SORCS1: variants seen among roughly 807,000 people sequenced by gnomAD.
SORCS1 encodes VPS10 domain-containing receptor SorCS1.
Under a neutral mutation model 146.1 loss-of-function variants are expected in SORCS1, and 60 were observed. That is an observed-to-expected ratio of 0.41 (90% CI 0.33 to 0.51). The LOEUF (loss-of-function observed/expected upper bound fraction) is 0.51, where lower values mean the gene tolerates loss of function less well. Among genes scored for constraint, SORCS1 ranks in the 20% least tolerant of loss-of-function variants. SORCS1 has a pLI of 0.21. For synonymous variants in SORCS1, 637 were observed against 584.0 expected (o/e 1.09, Z -1.31); for missense variants, 1,352 against 1,487.6 (o/e 0.91, Z 1.50).
intron 18 of SORCS1, among the ~76,000 whole-genome samples, chr10:106,638,282 T>C (rs1848847046): frequency 6.6e-6 from 1 of 152,124 alleles, no homozygotes; most frequent in Admixed American, 6.5e-5. Context: ...AGAACAAAAC[T>C]ATATATACTT....
intron 2 of SORCS1, among the ~76,000 whole-genome samples, chr10:106,927,307 C>G (rs1223535621): frequency 6.6e-6 from 1 of 152,066 alleles, no homozygotes; most frequent in Non-Finnish European, 1.5e-5. Flanking sequence ...AGGAGTGAAG[C>G]TGCGGACCTT....
At chr10:107,044,814 T>TAAAA (rs71025575) in intron 1 of SORCS1, among the ~76,000 whole-genome samples, 7 of 90,192 alleles carry the variant, frequency 7.8e-5, no homozygotes, top group Non-Finnish European at 8.9e-5. Flanking sequence ...TGTGTCTCAA[T>TAAAA]AAAAAAAAAA....
At chr10:106,668,874 A>C (rs1210295711) in intron 16 of SORCS1, among the ~76,000 whole-genome samples, 1 of 152,140 alleles carries the variant, frequency 6.6e-6, no homozygotes, top group Non-Finnish European at 1.5e-5. Flanking sequence ...GGAGAGGGCC[A>C]AACCAAGGAG....
intron 10 of SORCS1, among the ~76,000 whole-genome samples, chr10:106,682,108 ACAGAGTGAGACTCCATCT>A (rs1415038928): frequency 1.3e-5 from 2 of 152,218 alleles, no homozygotes; most frequent in Non-Finnish European, 2.9e-5. Context: ...ACCCTGGGTG[ACAGAGTGAGACTCCATCT>A]CTAATACAAA....
intron 1 of SORCS1, among the ~76,000 whole-genome samples, chr10:107,096,964 A>G (rs1173359511): frequency 6.6e-6 from 1 of 152,184 alleles, no homozygotes. Context: ...TCCCAACACT[A>G]GTTTTCTCCA....
At chr10:106,654,522 T>C (rs11193000) in intron 17 of SORCS1, among the ~76,000 whole-genome samples, 10,862 of 152,294 alleles carry the variant, frequency 0.071, 463 homozygotes, top group East Asian at 0.21. Flanking sequence ...TGTGACTGTG[T>C]GAAATTCAAG....
chr10:106,793,173 G>A (rs1016966026), intron 3 of SORCS1, among the ~76,000 whole-genome samples: 1 of 152,152 alleles, frequency 6.6e-6, no homozygotes, highest in African/African-American at 2.4e-5. Flanking sequence ...ACACGGAAAA[G>A]CACTTTTTTT....
chr10:107,035,281 A>G (rs967499904), intron 1 of SORCS1, among the ~76,000 whole-genome samples: 17 of 148,832 alleles, frequency 1.1e-4, no homozygotes, highest in African/African-American at 4.3e-4. Context: ...AAAAACAACA[A>G]AAAAAAAAAC....
chr10:107,062,843 C>T (rs1961360064), intron 1 of SORCS1, among the ~76,000 whole-genome samples: 1 of 152,196 alleles, frequency 6.6e-6, no homozygotes. Flanking sequence ...TGTGAAGACA[C>T]AGGTGTTTTT....
rs559951257 is a variant in SORCS1 at position 106,937,215 on chromosome 10, G to A, written c.626+19298C>T. 3.6e-4 allele frequency among the ~76,000 whole-genome samples: 54 copies of A among 151,248 alleles called. 1 individual carries two copies. The highest frequency in any genetic ancestry group is 1.3e-3 in the African/African-American group (53 of 41,092). On this transcript the variant is annotated intron_variant, in intron 2 of 25. Coordinates refer to ENST00000263054, the MANE Select transcript of SORCS1 (RefSeq NM_052918.5). ...GATAGAGTCTTGCTCTGTTGCCCAGGCTGGAATTCAGTGACATGGTCTCAG... is the reference window on the plus strand; with the variant it reads ...GATAGAGTCTTGCTCTGTTGCCCAGACTGGAATTCAGTGACATGGTCTCAG...
intron 5 of SORCS1, among the ~76,000 whole-genome samples, chr10:106,752,406 G>A (rs183058489): frequency 3.9e-4 from 59 of 152,224 alleles, no homozygotes; most frequent in African/African-American, 1.3e-3. Flanking sequence ...GACTAAAACT[G>A]TCCTGGCTCA....
At chr10:107,140,619 T>C (rs531980452) in intron 1 of SORCS1, among the ~76,000 whole-genome samples, 3 of 152,352 alleles carry the variant, frequency 2.0e-5, no homozygotes, top group South Asian at 2.1e-4. Context: ...TTACCAACCA[T>C]TGTGATAAAA....
intron 6 of SORCS1, among the ~76,000 whole-genome samples, chr10:106,709,994 G>C (rs967163931): frequency 6.6e-6 from 1 of 151,990 alleles, no homozygotes. Flanking sequence ...GGGATTTCAT[G>C]GTCAATTTTT....
At chr10:106,782,266 G>T (rs1417227896) in intron 3 of SORCS1, among the ~76,000 whole-genome samples, 2 of 152,118 alleles carry the variant, frequency 1.3e-5, no homozygotes. Context: ...AAAAAAACAA[G>T]CATAAAAAAC....
At chr10:106,599,546 G>A (rs1846113204) in intron 23 of SORCS1, among the ~76,000 whole-genome samples, 1 of 152,016 alleles carries the variant, frequency 6.6e-6, no homozygotes. Flanking sequence ...CTATCACAAA[G>A]GTTTTAGCTA....
At chr10:107,171,208 C>T in the SORCS1 span, among the ~76,000 whole-genome samples, 2 of 152,112 alleles carry the variant, frequency 1.3e-5, no homozygotes, top group Non-Finnish European at 2.9e-5. Context: ...TTATTTCCAG[C>T]TAGGGTAAAA....
chr10:106,625,911 G>A (rs1339399577), intron 19 of SORCS1, among the ~76,000 whole-genome samples: 2 of 152,096 alleles, frequency 1.3e-5, no homozygotes, highest in African/African-American at 4.8e-5. Flanking sequence ...GGCAACACTG[G>A]CTGCAGCACG....
At chr10:106,618,376 CT>C in intron 20 of SORCS1, 104 bp from the exon 21 acceptor site, 1 of 1,420,026 alleles carries the variant, frequency 7.0e-7, no homozygotes, top group Non-Finnish European at 9.6e-7. Context: ...AGCAGAGGCT[CT>C]TCCTGATGTA....
At chr10:107,032,351 C>A (rs929119080) in intron 1 of SORCS1, among the ~76,000 whole-genome samples, 1 of 152,132 alleles carries the variant, frequency 6.6e-6, no homozygotes, top group African/African-American at 2.4e-5. Flanking sequence ...ACATAAAAAC[C>A]ATCAAGATCC....
Sources: allele counts gnomAD v4.1 joint callset (sites outside exome capture counted in the v4.1 genomes callset), GRCh38; gene constraint gnomAD v4.1.1; transcripts MANE v1.5; gene names NCBI Gene and HGNC (gene_info 2026-07-23, HGNC 2026-07-21).